Variants in MAP4K5 observed in about 807,000 individuals in gnomAD.
MAP4K5 encodes mitogen-activated protein kinase kinase kinase kinase 5.
MAP4K5 carries 82 observed loss-of-function variants against 135.6 expected under a neutral mutation model. The ratio of observed to expected loss-of-function variants is 0.60; its 90% CI spans 0.51 to 0.73. MAP4K5 has a LOEUF of 0.73. Ranked by LOEUF, MAP4K5 falls within the 30% of genes least tolerant of loss-of-function variation. The probability of loss-of-function intolerance (pLI) is 0.00; values close to 1 mark genes in which losing one functional copy is unlikely to be tolerated. For synonymous variants in MAP4K5, 347 were observed against 335.0 expected, an observed-to-expected ratio of 1.04 and a Z score of -0.39; for missense variants, 907 against 1,010.9, an observed-to-expected ratio of 0.90 and a Z score of 1.39.
chr14:50,538,892 G>C (rs1236749130), intron 2 of MAP4K5, among the ~76,000 whole-genome samples: 1 of 152,138 alleles, frequency 6.6e-6, no homozygotes, highest in Admixed American at 6.6e-5. Flanking sequence ...CTATCATACT[G>C]TACCACAGCC....
Position 50,479,020 on chromosome 14 carries a change from G to T in MAP4K5, c.379-2714C>A, listed in dbSNP as rs576803057. ...AGTTTTTTTCGTTTTTTTTTTTTTTGTTGTTGTTGTTTTTTGTGCTCAGGG... is the reference window on the plus strand; with the variant it reads ...AGTTTTTTTCGTTTTTTTTTTTTTTTTTGTTGTTGTTTTTTGTGCTCAGGG... On this transcript the variant is annotated intron_variant, in intron 6 of 32. Transcript: ENST00000682126. Among the ~76,000 whole-genome samples the T allele has an allele frequency of 1.3e-3, 197 of 146,984 alleles. 2 individuals are homozygous for T. Among genetic ancestry groups the T allele is most frequent in the African/African-American group, 4.9e-3 (187 of 38,392 alleles).
At position 50,429,443 on chromosome 14, in the gene MAP4K5, C is replaced by A. The variant is rs1175513886; in HGVS notation, c.2165-183G>T. ...ATCAATTTAAGAGGACAAATATGTC[C>A]TAAGCATGGCTAACTCAGCTGAAAA... On this transcript the variant is annotated intron_variant, in intron 28 of 32. Transcript: ENST00000682126. Among the ~76,000 whole-genome samples the A allele has an allele frequency of 3.3e-5, 5 of 152,016 alleles. 1 individual carries two copies. Among genetic ancestry groups the A allele is most frequent in the Non-Finnish European group, 7.4e-5 (5 of 68,004 alleles).
At chr14:50,535,991 C>T (rs887680406), upstream of MAP4K5, among the ~76,000 whole-genome samples, 8 of 152,218 alleles carry the variant, frequency 5.3e-5, no homozygotes, top group African/African-American at 1.7e-4. Context: ...CTCTCTTTGC[C>T]TGCTGCCATC....
At chr14:50,536,526 T>C (rs958690203), upstream of MAP4K5, among the ~76,000 whole-genome samples, 1 of 151,738 alleles carries the variant, frequency 6.6e-6, no homozygotes, top group African/African-American at 2.4e-5. Context: ...TGGAACTGGG[T>C]AACAGGCAGA....
chr14:50,532,403 A>C, intron 1 of MAP4K5, 45 bp downstream of exon 1: 8 of 203,270 alleles, frequency 3.9e-5, no homozygotes, highest in Admixed American at 6.1e-5. Context: ...TCCGTACCTA[A>C]TGGGGGCGGC....
intron 13 of MAP4K5, among the ~76,000 whole-genome samples, chr14:50,459,699 C>T (rs1275801994): frequency 6.9e-6 from 1 of 144,102 alleles, no homozygotes; most frequent in Admixed American, 7.0e-5. Flanking sequence ...CTTTCTTTCT[C>T]TTTTTTTTTT....
At position 50,463,301 on chromosome 14, in the gene MAP4K5, T is replaced by C. The variant is rs113893621; in HGVS notation, c.820-520A>G. ...TAAAAGTGTTTTATACACACACATA[T>C]GCAGAGTATTCTATAAATTTACATT... is the stretch of plus-strand genomic sequence containing the variant. On this transcript the variant is annotated intron_variant, in intron 12 of 32. Transcript: ENST00000682126. Among the ~76,000 whole-genome samples the C allele has an allele frequency of 1.4e-4, 21 of 152,352 alleles. 1 individual carries two copies. The highest frequency in any genetic ancestry group is 4.6e-4 in the African/African-American group (19 of 41,580).
At chr14:50,555,692 A>G (rs2140166680) in intron 1 of MAP4K5, among the ~76,000 whole-genome samples, 1 of 152,344 alleles carries the variant, frequency 6.6e-6, no homozygotes, top group South Asian at 2.1e-4. Flanking sequence ...TGTAATTTTT[A>G]TAGTAGCCAA....
chr14:50,455,922 C>T (rs1289799253), intron 14 of MAP4K5, among the ~76,000 whole-genome samples: 1 of 152,020 alleles, frequency 6.6e-6, no homozygotes, highest in Non-Finnish European at 1.5e-5. Context: ...TTTCATCTGT[C>T]AATGATTATT....
At chr14:50,540,829 C>G (rs986241520) in intron 2 of MAP4K5, among the ~76,000 whole-genome samples, 1 of 152,114 alleles carries the variant, frequency 6.6e-6, no homozygotes, top group Non-Finnish European at 1.5e-5. Flanking sequence ...CTTACCCATG[C>G]CAAAGTAGAA....
At chr14:50,520,311 C>A (rs2140086968) in intron 2 of MAP4K5, among the ~76,000 whole-genome samples, 1 of 152,286 alleles carries the variant, frequency 6.6e-6, no homozygotes, top group African/African-American at 2.4e-5. Flanking sequence ...CCAGCCTGGG[C>A]AACATGGTGA....
At chr14:50,439,006 T>C (rs1350306530) in intron 23 of MAP4K5, among the ~76,000 whole-genome samples, 1 of 152,044 alleles carries the variant, frequency 6.6e-6, no homozygotes, top group Non-Finnish European at 1.5e-5. Context: ...ATTGGCTTTA[T>C]TTTCATAACA....
chr14:50,542,079 T>A (rs1451774041), intron 2 of MAP4K5, among the ~76,000 whole-genome samples: 4 of 149,444 alleles, frequency 2.7e-5, no homozygotes, highest in African/African-American at 9.9e-5. Flanking sequence ...ACAGCTATTG[T>A]CTGTTTGAAA....
chr14:50,420,231 G>A lies in MAP4K5; in HGVS notation c.2454-125C>T, dbSNP rs866476682. On this transcript the variant is annotated intron_variant, in intron 32 of 32. Coordinates refer to ENST00000682126, the MANE Select transcript of MAP4K5 (RefSeq NM_006575.6). Reference sequence around the variant, plus strand: ...GTAAGATTACGTAAGGATCACAGACGCACAATCAAATTCAGCTTTACATTT... The same window carrying A: ...GTAAGATTACGTAAGGATCACAGACACACAATCAAATTCAGCTTTACATTT... 224 of 667,526 alleles carry A rather than the reference G, an allele frequency of 3.4e-4. 1 individual carries two copies. The Middle Eastern group carries it at 7.3e-3, about 22-fold the overall frequency. 41.4% of individuals were successfully genotyped at this position (667,526 alleles called of 1,614,324 possible).
At chr14:50,462,864 A>G (rs1275950892) in intron 12 of MAP4K5, 83 bp from the exon 13 acceptor site, 2 of 768,074 alleles carry the variant, frequency 2.6e-6, no homozygotes, top group Non-Finnish European at 4.6e-6. Context: ...TTTTTCATTC[A>G]GTAACTAGCA....
chr14:50,517,237 T>C (rs2038052468), intron 2 of MAP4K5, among the ~76,000 whole-genome samples: 1 of 151,652 alleles, frequency 6.6e-6, no homozygotes, highest in Non-Finnish European at 1.5e-5. Context: ...CTGCAACTTC[T>C]GCCTCCTGGG....
intron 32 of MAP4K5, among the ~76,000 whole-genome samples, chr14:50,420,903 A>G (rs2035714937): frequency 1.3e-5 from 2 of 151,972 alleles, no homozygotes; most frequent in Admixed American, 1.3e-4. Flanking sequence ...AAAAAGAAGT[A>G]CTATTCCAAA....
At chr14:50,423,305 G>C (rs559931678) in intron 31 of MAP4K5, 129 bp from the exon 32 acceptor site, 1 of 500,686 alleles carries the variant, frequency 2.0e-6, no homozygotes, top group African/African-American at 2.0e-5. Context: ...TCAAATAAAA[G>C]AAATTTTAGT....
upstream of MAP4K5, among the ~76,000 whole-genome samples, chr14:50,537,395 G>A (rs2038507927): frequency 6.6e-6 from 1 of 152,218 alleles, no homozygotes; most frequent in Non-Finnish European, 1.5e-5. Flanking sequence ...TGCCCTCACG[G>A]AGAACCTCTG....
Sources: allele counts gnomAD v4.1 joint callset (sites outside exome capture counted in the v4.1 genomes callset), GRCh38; gene constraint gnomAD v4.1.1; transcripts MANE v1.5; gene names NCBI Gene and HGNC (gene_info 2026-07-23, HGNC 2026-07-21).